Variants in PDXDC1 observed in about 807,000 individuals in gnomAD.
PDXDC1 encodes the protein pyridoxal-dependent decarboxylase domain-containing protein 1.
PDXDC1 carries 42 observed loss-of-function variants against 100.1 expected under a neutral mutation model. The ratio of observed to expected loss-of-function variants is 0.42; its 90% CI spans 0.33 to 0.54. The LOEUF (loss-of-function observed/expected upper bound fraction) is 0.54. Among genes scored for constraint, PDXDC1 ranks in the 20% least tolerant of loss-of-function variants. The probability of loss-of-function intolerance (pLI) is 0.10; values close to 1 mark genes in which losing one functional copy is unlikely to be tolerated. For synonymous variants in PDXDC1, 260 were observed against 371.7 expected (o/e 0.70, Z 3.46); for missense variants, 636 against 979.2 (o/e 0.65, Z 4.68).
intron 17 of PDXDC1, 52 bp downstream of exon 17, chr16:15,031,958 A>T: frequency 7.0e-7 from 1 of 1,432,794 alleles, no homozygotes; most frequent in Non-Finnish European, 9.6e-7. Context: ...TATAAAGAAC[A>T]TGAGTGGGTC....
chr16:15,046,433 G>A (rs544998986), intron 16 of PDXDC1, among the ~76,000 whole-genome samples: 118 of 152,206 alleles, frequency 7.8e-4, no homozygotes, highest in Admixed American at 6.6e-3. Flanking sequence ...CTGTGTCGTC[G>A]GCCTCCACCT....
At chr16:15,125,578 C>G in intron 16 of PDXDC1, 4 of 1,515,894 alleles carry the variant, frequency 2.6e-6, no homozygotes, top group Non-Finnish European at 3.7e-6. Context: ...AAACAAGTCA[C>G]TCTTCACCTG....
In PDXDC1 at chr16:15,073,118, C is replaced by T. The variant is rs1567198558; in HGVS notation, c.1399+43062C>T. 2.5e-6 allele frequency: 4 copies of T among 1,598,222 alleles called. No individual in the cohort carries two copies. The South Asian group carries it at 3.4e-5, about 14-fold the overall frequency. On this transcript the variant is annotated intron_variant, in intron 16 of 16. Transcript: ENST00000535621. The stretch of plus-strand genomic sequence containing the variant: ...TCTGGCATCTCAGTTTTTATAAAGA[C>T]ATATTTTCAAGTTTCATCTGCCATA...
At chr16:15,085,593 T>C (rs766861694) in intron 16 of PDXDC1, 2 of 1,599,084 alleles carry the variant, frequency 1.3e-6, no homozygotes, top group African/African-American at 1.3e-5. Flanking sequence ...GCTGGGATTA[T>C]GGGTGAAAGC....
chr16:15,086,975 G>T (rs2045935647), intron 16 of PDXDC1, among the ~76,000 whole-genome samples: 1 of 152,142 alleles, frequency 6.6e-6, no homozygotes, highest in African/African-American at 2.4e-5. Context: ...ATAAATGATA[G>T]CCCCATTCCT....
intron 16 of PDXDC1, chr16:15,084,594 CA>C (rs1205485582): frequency 7.6e-7 from 1 of 1,320,074 alleles, no homozygotes; most frequent in African/African-American, 1.5e-5. Context: ...TAATTGATTA[CA>C]ATTTTCTTGA....
intron 1 of PDXDC1, among the ~76,000 whole-genome samples, chr16:14,982,512 A>G (rs1250643106): frequency 1.3e-5 from 2 of 152,266 alleles, no homozygotes; most frequent in Non-Finnish European, 2.9e-5. Flanking sequence ...AGTCCCAGCT[A>G]CTCAGGAGAT....
the PDXDC1 span, among the ~76,000 whole-genome samples, chr16:15,145,031 G>A: frequency 3.3e-5 from 5 of 152,162 alleles, no homozygotes; most frequent in African/African-American, 1.2e-4. Context: ...AGCCTGGGTG[G>A]GCAGGTGCTG....
chr16:15,141,944 A>G (rs2048482189), downstream of PDXDC1, among the ~76,000 whole-genome samples: 1 of 152,120 alleles, frequency 6.6e-6, no homozygotes, highest in Admixed American at 6.5e-5. Flanking sequence ...TGCTTTAGGG[A>G]GAATGAGGCA....
At chr16:15,087,606 G>A (rs2045958848) in intron 16 of PDXDC1, among the ~76,000 whole-genome samples, 2 of 152,034 alleles carry the variant, frequency 1.3e-5, no homozygotes, top group Non-Finnish European at 2.9e-5. Context: ...AAGTAGCCTG[G>A]CAGTAAAATA....
chr16:15,095,223 C>CAA (rs1278159352), intron 16 of PDXDC1, among the ~76,000 whole-genome samples: 3 of 152,060 alleles, frequency 2.0e-5, no homozygotes, highest in African/African-American at 7.3e-5. Flanking sequence ...ACGGAGGAAA[C>CAA]AGAGGCCAAA....
At chr16:15,147,567 C>T in the PDXDC1 span, among the ~76,000 whole-genome samples, 1 of 152,290 alleles carries the variant, frequency 6.6e-6, no homozygotes, top group African/African-American at 2.4e-5. Context: ...CACTCTGTCT[C>T]CCAGGCTGGA....
the PDXDC1 span, among the ~76,000 whole-genome samples, chr16:15,149,326 G>C: frequency 6.6e-6 from 1 of 152,192 alleles, no homozygotes; most frequent in African/African-American, 2.4e-5. Context: ...TGTTGAACGC[G>C]GGCTCCAGTG....
At chr16:14,981,005 C>A (rs561910359) in intron 1 of PDXDC1, among the ~76,000 whole-genome samples, 1 of 152,398 alleles carries the variant, frequency 6.6e-6, no homozygotes, top group Admixed American at 6.5e-5. Flanking sequence ...CAGGAGGTTG[C>A]GTTCTGGTAA....
At chr16:15,143,243 A>T (rs2048502796), downstream of PDXDC1, among the ~76,000 whole-genome samples, 1 of 152,058 alleles carries the variant, frequency 6.6e-6, no homozygotes, top group South Asian at 2.1e-4. Flanking sequence ...TGGAGAAGGA[A>T]GTCCCAGGTG....
rs540155887 is a variant in PDXDC1, at chr16:15,133,448, C to T, written c.1400-5431C>T. On this transcript the variant is annotated intron_variant, in intron 16 of 16. Transcript: ENST00000535621. ...CCTACGAGCAGAGGGGGGTGGTGAG[C>T]AGGTGGCAGTCTCGGGGGCGCCCTC... 4,504 of 943,418 alleles carry T rather than the reference C, an allele frequency of 4.8e-3. 31 individuals carry two copies. The highest frequency in any genetic ancestry group is 0.012 in the South Asian group (897 of 72,410). 58.4% of individuals were successfully genotyped at this position (943,418 alleles called of 1,614,324 possible).
At position 15,104,815 on chromosome 16, in the gene PDXDC1, C is replaced by T. The variant is rs2046732247; in HGVS notation, c.1400-34064C>T. The T allele has an allele frequency of 4.6e-6, 7 of 1,528,472 alleles. No homozygotes were observed. The African/African-American group carries it at 8.2e-5, about 18-fold the overall frequency. The allele number at this position is 1,528,472 out of a possible 1,614,324, so 94.7% of individuals were successfully genotyped here. ...CATATTCATTTGATGGACAAAATTA[C>T]CGCCACCAACACAGTCTGCACCTTC... On this transcript the variant is annotated intron_variant, in intron 16 of 16. Coordinates refer to the PDXDC1 transcript ENST00000535621.
chr16:15,056,765 ACT>A (rs1460514863), intron 16 of PDXDC1, among the ~76,000 whole-genome samples: 1 of 152,166 alleles, frequency 6.6e-6, no homozygotes, highest in African/African-American at 2.4e-5. Flanking sequence ...GCAGAGGGAC[ACT>A]CTGTTTCTGA....
At chr16:15,143,947 C>T (rs974875977), downstream of PDXDC1, among the ~76,000 whole-genome samples, 56 of 152,304 alleles carry the variant, frequency 3.7e-4, no homozygotes, top group African/African-American at 1.1e-3. Flanking sequence ...CCCCTGCCCG[C>T]GCTGGCCGCC....
Sources: gnomAD v4.1 joint callset for allele counts (sites outside exome capture counted in the v4.1 genomes callset) on GRCh38, gnomAD v4.1.1 for gene constraint, MANE v1.5 for transcripts, NCBI Gene and HGNC (gene_info 2026-07-23, HGNC 2026-07-21) for gene names.